TMEM225B: variants seen among roughly 807,000 people sequenced by gnomAD.
TMEM225B encodes transmembrane protein 225B.
TMEM225B carries 10 observed loss-of-function variants against 16.9 expected under a neutral mutation model. The observed-to-expected ratio is 0.59, with a 90% CI of 0.36 to 1.00. The LOEUF is 1.00. Ranked by LOEUF, TMEM225B falls within the 50% of genes least tolerant of loss-of-function variation. The pLI, the probability that TMEM225B is intolerant of heterozygous loss-of-function variation, is 0.01. For synonymous variants in TMEM225B, 92 were observed against 109.8 expected, an observed-to-expected ratio of 0.84 and a Z score of 1.01; for missense variants, 217 against 267.0, an observed-to-expected ratio of 0.81 and a Z score of 1.30.
chr7:99,599,120 G>A (rs1310479311), intron 1 of TMEM225B, among the ~76,000 whole-genome samples: 1 of 147,026 alleles, frequency 6.8e-6, no homozygotes, highest in African/African-American at 2.6e-5. Flanking sequence ...CACCACGCCT[G>A]GCTAATTTTT....
rs1484724866 is a variant in TMEM225B at position 99,604,587 on chromosome 7, C to T, written c.199C>T (p.Pro67Ser). The change falls in exon 3 of 6, where the codon CCC becomes TCC. Residue 67 changes from proline to serine, a missense_variant. Pro to Ser is a moderately conservative substitution (Grantham distance 74, BLOSUM62 -1). Coordinates refer to ENST00000431679, the MANE Select transcript of TMEM225B (RefSeq NM_001195541.3). Reference protein sequence around the residue: ...CFNAKCWKPRPLSIYIILGRV... With the variant: ...CFNAKCWKPRSLSIYIILGRV... Reference sequence around the variant, plus strand: ...CAATGCCAAATGCTGGAAGCCTCGACCCTTATCCAGTAAGGAGGGATGGAG... The same window carrying T: ...CAATGCCAAATGCTGGAAGCCTCGATCCTTATCCAGTAAGGAGGGATGGAG... The T allele has an allele frequency of 6.5e-6, 10 of 1,535,588 alleles. No homozygotes were observed. The highest frequency in any genetic ancestry group is 1.4e-5 in the African/African-American group (1 of 73,020).
intron 3 of TMEM225B, among the ~76,000 whole-genome samples, chr7:99,605,054 G>T (rs1204682291): frequency 6.6e-6 from 1 of 151,956 alleles, no homozygotes; most frequent in Non-Finnish European, 1.5e-5. Flanking sequence ...AAATTAACCA[G>T]GCTTGGTTAA....
intron 1 of TMEM225B, among the ~76,000 whole-genome samples, chr7:99,598,692 A>C (rs916188290): frequency 2.0e-5 from 3 of 152,194 alleles, no homozygotes; most frequent in Admixed American, 6.5e-5. Flanking sequence ...CCAAGTTGCC[A>C]CAAATGACCG....
chr7:99,604,893 T>C (rs1805667940), intron 3 of TMEM225B, among the ~76,000 whole-genome samples: 1 of 152,000 alleles, frequency 6.6e-6, no homozygotes, highest in Admixed American at 6.6e-5. Context: ...CTCAAAAGGC[T>C]GAGGTTGGAG....
intron 4 of TMEM225B, 150 bp from the exon 5 acceptor site, chr7:99,607,523 G>A: frequency 1.5e-6 from 1 of 689,256 alleles, no homozygotes; most frequent in Non-Finnish European, 2.4e-6. Flanking sequence ...AGTCAGAAAG[G>A]AGGGAGGGAC....
chr7:99,599,521 C>T (rs1344198356), intron 1 of TMEM225B, among the ~76,000 whole-genome samples: 1 of 152,126 alleles, frequency 6.6e-6, no homozygotes, highest in African/African-American at 2.4e-5. Flanking sequence ...CACTGCACTC[C>T]AGCCTGGGTG....
Position 99,610,972 on chromosome 7 carries a change from C to CAA in TMEM225B, c.*408_*409insAA, listed in dbSNP as rs1213470171. On this transcript the variant is annotated 3_prime_UTR_variant, in exon 6 of 6. Coordinates refer to ENST00000431679, the MANE Select transcript of TMEM225B (RefSeq NM_001195541.3). Reference sequence around the variant, plus strand: ...GAATGACAACTATTTGGGCTGGTGGCACAGGGGTAAAAGAATTTACCAAGA... The same window carrying CAA: ...GAATGACAACTATTTGGGCTGGTGGCAAACAGGGGTAAAAGAATTTACCAAGA... Among the ~76,000 whole-genome samples the CAA allele has an allele frequency of 8.0e-4, 122 of 152,132 alleles. No individual in the cohort carries two copies. Among genetic ancestry groups the CAA allele is most frequent in the African/African-American group, 2.7e-3 (113 of 41,482 alleles).
intron 2 of TMEM225B, among the ~76,000 whole-genome samples, chr7:99,604,084 C>A (rs577814023): frequency 6.6e-6 from 1 of 152,212 alleles, no homozygotes; most frequent in Admixed American, 6.5e-5. Context: ...GCTGAGGAGG[C>A]CTTGTGAATG....
intron 5 of TMEM225B, among the ~76,000 whole-genome samples, chr7:99,608,838 C>CATATATATATATATATAT (rs1562956515): frequency 1.1e-4 from 12 of 110,026 alleles, no homozygotes; most frequent in African/African-American, 8.1e-4. Context: ...TGTGTGTGCA[C>CATATATATATATATATAT]GTATATATAT....
intron 2 of TMEM225B, among the ~76,000 whole-genome samples, chr7:99,600,747 A>C (rs1805292343): frequency 6.6e-6 from 1 of 152,200 alleles, no homozygotes; most frequent in Non-Finnish European, 1.5e-5. Flanking sequence ...ATTACAATGC[A>C]AGGTGAGATT....
chr7:99,603,660 C>T (rs1299837026), intron 2 of TMEM225B, among the ~76,000 whole-genome samples: 1 of 150,456 alleles, frequency 6.6e-6, no homozygotes, highest in Non-Finnish European at 1.5e-5. Flanking sequence ...CCATTGCACT[C>T]CAGCCTGGGC....
In TMEM225B at chr7:99,608,858, T is replaced by C. The variant is rs193206779; in HGVS notation, c.493+1048T>C. Among the ~76,000 whole-genome samples the C allele has an allele frequency of 7.5e-3, 1,090 of 144,408 alleles. 27 individuals carry two copies. The highest frequency in any genetic ancestry group is 0.034 in the South Asian group (161 of 4,688). The allele number at this position is 144,408 out of a possible 152,430, so 94.7% of individuals were successfully genotyped here. A position where few individuals can be genotyped will look rare whatever the true frequency, so the allele number is the denominator to read the frequency against. On this transcript the variant is annotated intron_variant, in intron 5 of 5. Transcript: ENST00000431679. The stretch of plus-strand genomic sequence containing the variant: ...GTGCACGTATATATATATATATATA[T>C]ACACACACACATATATGTGTATATA...
At chr7:99,605,293 GACTC>G (rs1447092651) in intron 3 of TMEM225B, among the ~76,000 whole-genome samples, 1 of 152,126 alleles carries the variant, frequency 6.6e-6, no homozygotes, top group African/African-American at 2.4e-5. Context: ...TACAGATGGG[GACTC>G]ACTCTGTTGC....
intron 3 of TMEM225B, among the ~76,000 whole-genome samples, chr7:99,606,528 A>C (rs577147507): frequency 3.8e-4 from 58 of 152,194 alleles, no homozygotes; most frequent in Non-Finnish European, 7.6e-4. Context: ...TTGTCAATTT[A>C]ATTTTTTTTC....
chr7:99,609,713 T>C (rs977333085), intron 5 of TMEM225B, among the ~76,000 whole-genome samples: 1 of 151,770 alleles, frequency 6.6e-6, no homozygotes, highest in Admixed American at 6.6e-5. Flanking sequence ...GGATTACAGG[T>C]GTGAGCCACC....
At chr7:99,604,311 C>G (rs560609723) in intron 2 of TMEM225B, 75 bp from the exon 3 acceptor site, 1 of 937,010 alleles carries the variant, frequency 1.1e-6, no homozygotes, top group Non-Finnish European at 1.6e-6. Flanking sequence ...TCCCCAGCCA[C>G]TGTCTCCTTC....
chr7:99,606,782 TGCA>T lies in TMEM225B; in HGVS notation c.245_247del (p.Ala82del). 6.5e-7 allele frequency: 1 copy of T among 1,536,116 alleles called. No individual in the cohort carries two copies. The highest frequency in any genetic ancestry group is 8.7e-7 in the Non-Finnish European group (1 of 1,146,886). ...TCCTCGGCCGGGTTTTCCTGCTCTC[TGCA>T]GTTTTCTTGGCTTTCGTCACCACCT... On this transcript the variant is annotated inframe_deletion, in exon 4 of 6. Transcript: ENST00000431679.
intron 1 of TMEM225B, among the ~76,000 whole-genome samples, chr7:99,598,710 C>A (rs1453727863): frequency 6.6e-6 from 1 of 152,196 alleles, no homozygotes; most frequent in Non-Finnish European, 1.5e-5. Context: ...CCGGAGGAAA[C>A]AGTGGGAAGG....
Position 99,604,428 on chromosome 7 carries a change from T to A in TMEM225B, c.40T>A (p.Trp14Arg). Residue 14 changes from tryptophan to arginine, a missense_variant, in exon 3 of 6, where the codon TGG becomes AGG. Coordinates refer to ENST00000431679, the MANE Select transcript of TMEM225B (RefSeq NM_001195541.3). ...GGACAAGGACATGAAGGGATTCTCC[T>A]GGGCCATAGTCCCAGCCTTAACCTC... ...LEDKDMKGFS[W>R]AIVPALTSLG... 6.5e-7 allele frequency: 1 copy of A among 1,536,136 alleles called. No individual in the cohort carries two copies. Among genetic ancestry groups the A allele is most frequent in the Non-Finnish European group, 8.7e-7 (1 of 1,146,878 alleles).
Sources: gnomAD v4.1 joint callset for allele counts (sites outside exome capture counted in the v4.1 genomes callset) on GRCh38, gnomAD v4.1.1 for gene constraint, MANE v1.5 for transcripts, NCBI Gene and HGNC (gene_info 2026-07-23, HGNC 2026-07-21) for gene names.